Variants in KCNIP4 observed in about 807,000 individuals in gnomAD.
KCNIP4 encodes Kv channel-interacting protein 4.
In KCNIP4, 12 loss-of-function variants were observed where a neutral mutation model predicts 34.0. That is an observed-to-expected ratio of 0.35 (90% confidence interval 0.23 to 0.57). KCNIP4 has a LOEUF of 0.57. Ranked by LOEUF, KCNIP4 falls within the 20% of genes least tolerant of loss-of-function variation. The probability of loss-of-function intolerance (pLI) is 0.83; values close to 1 mark genes in which losing one functional copy is unlikely to be tolerated. For missense variants in KCNIP4, 238 were observed against 311.7 expected (o/e 0.76, Z 1.78); for synonymous variants, 124 against 102.2 (o/e 1.21, Z -1.29).
chr4:21,871,157 G>C (rs1264870298), intron 1 of KCNIP4, among the ~76,000 whole-genome samples: 2 of 150,808 alleles, frequency 1.3e-5, no homozygotes, highest in Admixed American at 1.3e-4. Flanking sequence ...CAACATGCAG[G>C]TTTGCTACAT....
intron 1 of KCNIP4, among the ~76,000 whole-genome samples, chr4:21,602,281 T>C (rs2109123003): frequency 6.6e-6 from 1 of 152,266 alleles, no homozygotes; most frequent in East Asian, 1.9e-4. Context: ...TTCATAACTA[T>C]TTGCTTGCAT....
chr4:21,226,178 G>C (rs1341742808), intron 1 of KCNIP4, among the ~76,000 whole-genome samples: 1 of 142,426 alleles, frequency 7.0e-6, no homozygotes, highest in Non-Finnish European at 1.5e-5. Context: ...TTGGGTGGCT[G>C]AGGCAAAGGG....
chr4:20,834,433 C>A (rs1301524277), intron 3 of KCNIP4, among the ~76,000 whole-genome samples: 1 of 152,106 alleles, frequency 6.6e-6, no homozygotes, highest in Non-Finnish European at 1.5e-5. Context: ...AAACAATAAA[C>A]AAATTCATTA....
At chr4:21,877,346 T>A (rs1423939685) in intron 1 of KCNIP4, among the ~76,000 whole-genome samples, 1 of 151,564 alleles carries the variant, frequency 6.6e-6, no homozygotes, top group Non-Finnish European at 1.5e-5. Context: ...AGAGTGAAAC[T>A]CCATCTCAAA....
intron 3 of KCNIP4, among the ~76,000 whole-genome samples, chr4:20,840,693 G>C (rs1719617253): frequency 6.6e-6 from 1 of 152,152 alleles, no homozygotes; most frequent in Admixed American, 6.5e-5. Flanking sequence ...CCCCAACGGA[G>C]TCACATAGGA....
intron 3 of KCNIP4, among the ~76,000 whole-genome samples, chr4:20,768,267 A>T (rs184538559): frequency 6.6e-5 from 10 of 152,258 alleles, no homozygotes; most frequent in African/African-American, 2.4e-4. Flanking sequence ...TGCTCTGATA[A>T]TGTCCTTCAA....
At chr4:21,629,036 A>G (rs1026256150) in intron 1 of KCNIP4, among the ~76,000 whole-genome samples, 12 of 151,982 alleles carry the variant, frequency 7.9e-5, no homozygotes, top group African/African-American at 2.7e-4. Context: ...TTTTCTCCAC[A>G]CCCCTCCAAG....
At chr4:21,896,432 C>G (rs41423649) in intron 1 of KCNIP4, among the ~76,000 whole-genome samples, 1 of 151,994 alleles carries the variant, frequency 6.6e-6, no homozygotes. Flanking sequence ...GTGTTTGCAA[C>G]GAAGCTGGGG....
chr4:20,889,730 T>C (rs1252873923), intron 1 of KCNIP4, among the ~76,000 whole-genome samples: 1 of 151,118 alleles, frequency 6.6e-6, no homozygotes, highest in Admixed American at 6.6e-5. Flanking sequence ...AATGTTTTTC[T>C]TGTTAAATGA....
intron 1 of KCNIP4, among the ~76,000 whole-genome samples, chr4:21,786,140 G>A (rs1719896350): frequency 6.6e-6 from 1 of 152,144 alleles, no homozygotes; most frequent in Non-Finnish European, 1.5e-5. Flanking sequence ...GTAGAGATGG[G>A]GTTTCACCAT....
At chr4:21,731,229 A>T (rs552234275) in intron 1 of KCNIP4, among the ~76,000 whole-genome samples, 7 of 152,260 alleles carry the variant, frequency 4.6e-5, no homozygotes, top group African/African-American at 1.4e-4. Context: ...GACAATTTTA[A>T]CTGGTAGAAA....
intron 5 of KCNIP4, among the ~76,000 whole-genome samples, chr4:20,737,099 A>G (rs1360610960): frequency 6.6e-6 from 1 of 152,218 alleles, no homozygotes; most frequent in Non-Finnish European, 1.5e-5. Context: ...CTGGATCACC[A>G]TACTTAGTTT....
intron 1 of KCNIP4, among the ~76,000 whole-genome samples, chr4:21,625,615 T>C (rs1032396241): frequency 6.6e-6 from 1 of 152,166 alleles, no homozygotes; most frequent in Non-Finnish European, 1.5e-5. Flanking sequence ...ATCAGTGACT[T>C]TGTCAGAGTA....
intron 1 of KCNIP4, among the ~76,000 whole-genome samples, chr4:21,727,199 G>T (rs1232940787): frequency 6.6e-6 from 1 of 152,112 alleles, no homozygotes; most frequent in African/African-American, 2.4e-5. Context: ...AAGTCATGAG[G>T]ACTCTTCCTT....
In KCNIP4 at chr4:21,715,085, T is replaced by TTTTA. The variant is rs1491169935; in HGVS notation, c.61+233482_61+233485dup. On this transcript the variant is annotated intron_variant, in intron 1 of 8. Transcript: ENST00000382152. ...TTTTATTTTATTTTATTTTATTTTA[T>TTTTA]TTTATTTATTTTTGAGATGGAGTCT... is the stretch of plus-strand genomic sequence containing the variant. 3.6e-4 allele frequency among the ~76,000 whole-genome samples: 20 copies of TTTTA among 55,436 alleles called. 7 individuals carry two copies. Among genetic ancestry groups the TTTTA allele is most frequent in the Non-Finnish European group, 5.2e-4 (20 of 38,120 alleles). 36.4% of individuals were successfully genotyped at this position (55,436 alleles called of 152,430 possible). A position where few individuals can be genotyped will look rare whatever the true frequency, so the allele number is the denominator to read the frequency against.
intron 3 of KCNIP4, among the ~76,000 whole-genome samples, chr4:20,849,112 G>A (rs7694715): frequency 0.44 from 66,438 of 151,600 alleles, 14,862 homozygotes; most frequent in South Asian, 0.56. Context: ...CTTTATGCAT[G>A]TTTATTTGTA....
At chr4:20,803,035 A>G (rs1261068389) in intron 3 of KCNIP4, among the ~76,000 whole-genome samples, 3 of 145,086 alleles carry the variant, frequency 2.1e-5, no homozygotes, top group Non-Finnish European at 4.5e-5. Context: ...AGATCGCTCC[A>G]CTGCACTCCA....
chr4:21,902,829 G>A (rs962014214), intron 1 of KCNIP4, among the ~76,000 whole-genome samples: 4 of 152,130 alleles, frequency 2.6e-5, no homozygotes, highest in African/African-American at 7.2e-5. Flanking sequence ...TCATAGAAGC[G>A]GGACTGCTGT....
chr4:21,242,309 T>TA (rs1174352252), intron 1 of KCNIP4, among the ~76,000 whole-genome samples: 2 of 152,040 alleles, frequency 1.3e-5, no homozygotes, highest in East Asian at 1.9e-4. Flanking sequence ...AAGCCTACAT[T>TA]AAAAAAAGAA....
Sources: allele counts gnomAD v4.1 joint callset (sites outside exome capture counted in the v4.1 genomes callset), GRCh38; gene constraint gnomAD v4.1.1; transcripts MANE v1.5; gene names NCBI Gene and HGNC (gene_info 2026-07-23, HGNC 2026-07-21).